Variants in DNAJA3 observed in about 807,000 individuals in gnomAD.
DNAJA3 encodes the protein dnaJ homolog subfamily A member 3, mitochondrial.
DNAJA3 carries 29 observed loss-of-function variants against 54.9 expected under a neutral mutation model. The ratio of observed to expected loss-of-function variants is 0.53; its 90% confidence interval spans 0.39 to 0.72. The LOEUF is 0.72. DNAJA3 is among the 30% of genes least tolerant of loss of function. The pLI, the probability that DNAJA3 is intolerant of heterozygous loss-of-function variation, is 0.00. For synonymous variants in DNAJA3, 302 were observed against 251.4 expected (o/e 1.20, Z -1.90); for missense variants, 708 against 639.4 (o/e 1.11, Z -1.16).
At chr16:4,434,619 C>T (rs950263101) in intron 2 of DNAJA3, 102 bp downstream of exon 2, 2 of 1,334,940 alleles carry the variant, frequency 1.5e-6, no homozygotes, top group Admixed American at 4.7e-5. Context: ...ATGAATAGGT[C>T]TCATGAGCTG....
At chr16:4,442,963 C>A in intron 5 of DNAJA3, 54 bp from the exon 6 acceptor site, 2 of 1,582,584 alleles carry the variant, frequency 1.3e-6, no homozygotes, top group Non-Finnish European at 1.7e-6. Context: ...GGTCCCAGAA[C>A]CACCCATCAG....
At chr16:4,438,327 AAAAG>A (rs1445452236) in intron 3 of DNAJA3, among the ~76,000 whole-genome samples, 2 of 152,112 alleles carry the variant, frequency 1.3e-5, no homozygotes, top group African/African-American at 4.8e-5. Flanking sequence ...AAAAAAAAAA[AAAAG>A]AACAGGATCC....
In DNAJA3 at chr16:4,428,044, C is replaced by T. The variant is rs146429132; in HGVS notation, c.211+1952C>T. 4.2e-3 allele frequency among the ~76,000 whole-genome samples: 636 copies of T among 152,202 alleles called. 2 individuals carry two copies. The highest frequency in any genetic ancestry group is 0.014 in the African/African-American group (598 of 41,514). On this transcript the variant is annotated intron_variant, in intron 1 of 11. Coordinates refer to ENST00000262375, the MANE Select transcript of DNAJA3 (RefSeq NM_005147.6). ...TCAGCTCACTGCAAGCTCCGCCTCCCGGGTTCACGCCATTCTCCTGCCTCA... is the reference window on the plus strand; with the variant it reads ...TCAGCTCACTGCAAGCTCCGCCTCCTGGGTTCACGCCATTCTCCTGCCTCA...
At position 4,450,419 on chromosome 16, in the gene DNAJA3, C is replaced by G; in HGVS notation, c.1261C>G (p.Gln421Glu). 6.2e-7 allele frequency: 1 copy of G among 1,610,578 alleles called. No individual in the cohort carries two copies. The highest frequency in any genetic ancestry group is 1.1e-5 in the South Asian group (1 of 90,252). ...RVPKRLTSRQ[Q>E]SLILSYAEDE... ...CCACAGGAGGCTAACGAGCCGGCAGCAGAGCCTGATCCTGAGCTACGCCGA... is the reference window on the plus strand; with the variant it reads ...CCACAGGAGGCTAACGAGCCGGCAGGAGAGCCTGATCCTGAGCTACGCCGA... Residue 421 changes from glutamine to glutamate, a missense_variant, in exon 10 of 12, where the codon CAG becomes GAG. Physicochemically the swap from Gln to Glu is conservative, Grantham distance 29. Coordinates refer to ENST00000262375, the MANE Select transcript of DNAJA3 (RefSeq NM_005147.6).
chr16:4,442,676 T>A, intron 5 of DNAJA3: 1 of 524,146 alleles, frequency 1.9e-6, no homozygotes, highest in Non-Finnish European at 3.3e-6. Context: ...TTCTTCTTTA[T>A]TTTTCTAACA....
In DNAJA3 at chr16:4,454,826, A is replaced by G. The variant is rs766742208; in HGVS notation, c.1355A>G (p.Asp452Gly). ...TTGTGCCCAGGTGGCAGCACCATGGATAGCTCCGCAGGAAGCAAGGCTAGG... is the reference window on the plus strand; with the variant it reads ...TTGTGCCCAGGTGGCAGCACCATGGGTAGCTCCGCAGGAAGCAAGGCTAGG... The part of the protein sequence containing the change: ...TLTSSGGSTM[D>G]SSAGSKARRE... The change falls in exon 11 of 12, where the codon GAT (aspartate) becomes GGT (glycine). Residue 452 changes from aspartate (D) to glycine (G), a missense_variant. Coordinates refer to ENST00000262375, the MANE Select transcript of DNAJA3 (RefSeq NM_005147.6). 2 of 1,613,720 alleles carry G rather than the reference A, an allele frequency of 1.2e-6. No individual in the cohort carries two copies. Among genetic ancestry groups the G allele is most frequent in the Admixed American group, 1.7e-5 (1 of 59,974 alleles).
chr16:4,455,883 C>A lies in DNAJA3; in HGVS notation c.*351C>A, dbSNP rs2141401516. The A allele has an allele frequency of 4.1e-6, 2 of 492,638 alleles. No individual in the cohort carries two copies. The highest frequency in any genetic ancestry group is 6.3e-5 in the East Asian group (2 of 31,792). The allele number at this position is 492,638 out of a possible 1,614,324, so 30.5% of individuals were successfully genotyped here. A position where few individuals can be genotyped will look rare whatever the true frequency, so the allele number is the denominator to read the frequency against. On this transcript the variant is annotated 3_prime_UTR_variant, in exon 12 of 12. Transcript: ENST00000262375. ...TATTGTGGATATCTTAGTTAAAGGC[C>A]ATGCTTACAGCTTAGAAATGAAGCC... is the stretch of plus-strand genomic sequence containing the variant.
chr16:4,452,377 C>T (rs1205453953), intron 10 of DNAJA3, among the ~76,000 whole-genome samples: 1 of 152,040 alleles, frequency 6.6e-6, no homozygotes, highest in Non-Finnish European at 1.5e-5. Context: ...TACGGCCGGG[C>T]CCTGGGTGGG....
chr16:4,446,943 A>G lies in DNAJA3; in HGVS notation c.1054A>G (p.Ile352Val), dbSNP rs138637241. The change falls in exon 8 of 12, where the codon ATT (isoleucine) becomes GTT (valine). Residue 352 changes from isoleucine (I) to valine (V), a missense_variant. Transcript: ENST00000262375. Reference protein sequence around the residue: ...DGADIHSDLFISIAQALLGGT... With the variant: ...DGADIHSDLFVSIAQALLGGT... ...CGCAGACATCCACTCCGACCTCTTT[A>G]TTTCTATAGCTCAGGCTCTTCTTGG... 1 of 1,613,772 alleles carries G rather than the reference A, an allele frequency of 6.2e-7. No individual in the cohort carries two copies. Among genetic ancestry groups the G allele is most frequent in the Non-Finnish European group, 8.5e-7 (1 of 1,180,004 alleles).
At chr16:4,426,160 G>A (rs1386262806) in intron 1 of DNAJA3, 68 bp downstream of exon 1, 19 of 1,425,378 alleles carry the variant, frequency 1.3e-5, no homozygotes, top group Non-Finnish European at 1.8e-5. Context: ...TCCTCGCTGT[G>A]ACTACGGCTG....
intron 1 of DNAJA3, chr16:4,434,131 C>T (rs2056741683): frequency 6.6e-6 from 3 of 457,936 alleles, no homozygotes; most frequent in Non-Finnish European, 1.2e-5. Context: ...TATCAGATCT[C>T]ATGAGAACTT....
intron 3 of DNAJA3, among the ~76,000 whole-genome samples, chr16:4,438,842 C>A (rs932798262): frequency 2.2e-4 from 33 of 151,822 alleles, no homozygotes; most frequent in Non-Finnish European, 8.8e-5. Flanking sequence ...AGTAGACAGC[C>A]ACGTAGAAGA....
At chr16:4,447,233 A>G in intron 8 of DNAJA3, 1 of 571,262 alleles carries the variant, frequency 1.8e-6, no homozygotes, top group Non-Finnish European at 3.1e-6. Context: ...CCTGGCTGGC[A>G]TCACTCCCAC....
intron 3 of DNAJA3, 87 bp from the exon 4 acceptor site, chr16:4,441,288 T>C (rs2056832619): frequency 4.7e-6 from 6 of 1,276,300 alleles, no homozygotes; most frequent in Non-Finnish European, 6.6e-6. Context: ...ATAAATGTTA[T>C]GGCTGCCTTA....
chr16:4,434,711 A>C (rs929660256), intron 2 of DNAJA3, among the ~76,000 whole-genome samples, 194 bp downstream of exon 2: 3 of 152,160 alleles, frequency 2.0e-5, no homozygotes, highest in African/African-American at 7.2e-5. Context: ...GTGCTTCAGA[A>C]AAAAGAGGTG....
At chr16:4,448,117 C>T (rs2056926295) in intron 8 of DNAJA3, among the ~76,000 whole-genome samples, 1 of 149,478 alleles carries the variant, frequency 6.7e-6, no homozygotes. Flanking sequence ...CAATCTCCGC[C>T]TCCCAGGTTC....
rs2057027980 is a variant in DNAJA3 at position 4,455,681 on chromosome 16, A to C, written c.*149A>C. 8.2e-7 allele frequency: 1 copy of C among 1,224,826 alleles called. No homozygotes were observed. The highest frequency in any genetic ancestry group is 1.5e-5 in the African/African-American group (1 of 66,326). 75.9% of individuals were successfully genotyped at this position (1,224,826 alleles called of 1,614,324 possible). A position where few individuals can be genotyped will look rare whatever the true frequency, so the allele number is the denominator to read the frequency against. ...GCCTCTGGACGGCCTTGGCAACAGC[A>C]AAATCATGGGACAACACCTCTCTCC... On this transcript the variant is annotated 3_prime_UTR_variant, in exon 12 of 12. Coordinates refer to ENST00000262375, the MANE Select transcript of DNAJA3 (RefSeq NM_005147.6).
intron 1 of DNAJA3, among the ~76,000 whole-genome samples, chr16:4,428,461 A>G (rs1401116568): frequency 6.6e-6 from 1 of 152,216 alleles, no homozygotes; most frequent in Admixed American, 6.5e-5. Context: ...ATCTGGCTGC[A>G]TCTTTTCATT....
At chr16:4,437,550 T>C (rs1019284897) in intron 3 of DNAJA3, 65 bp downstream of exon 3, 3 of 1,398,036 alleles carry the variant, frequency 2.1e-6, no homozygotes, top group Non-Finnish European at 3.0e-6. Flanking sequence ...AAGGTTGCAT[T>C]GCTACCTGGG....
Sources: allele counts gnomAD v4.1 joint callset (sites outside exome capture counted in the v4.1 genomes callset), GRCh38; gene constraint gnomAD v4.1.1; transcripts MANE v1.5; gene names NCBI Gene and HGNC (gene_info 2026-07-23, HGNC 2026-07-21).